The following SLCO2A1 variants were observed in gnomAD, a reference collection of about 807,000 sequenced individuals.
SLCO2A1 encodes matrin F/G 1.
SLCO2A1 carries 60 observed loss-of-function variants against 71.7 expected under a neutral mutation model. The ratio of observed to expected loss-of-function variants is 0.84; its 90% CI spans 0.68 to 1.04. The LOEUF (loss-of-function observed/expected upper bound fraction) is 1.04. Among genes scored for constraint, SLCO2A1 ranks in the 50% least tolerant of loss-of-function variants. The probability of loss-of-function intolerance (pLI) is 0.00; values close to 1 mark genes in which losing one functional copy is unlikely to be tolerated. For synonymous variants in SLCO2A1, 308 were observed against 326.7 expected (o/e 0.94, Z 0.62); for missense variants, 745 against 813.4 (o/e 0.92, Z 1.02).
At chr3:133,967,898 C>T in intron 3 of SLCO2A1, among the ~76,000 whole-genome samples, 1 of 97,680 alleles carries the variant, frequency 1.0e-5, no homozygotes, top group African/African-American at 3.8e-5. Context: ...CACACACTTC[C>T]CCCGACATGT....
intron 1 of SLCO2A1, among the ~76,000 whole-genome samples, chr3:133,987,766 T>G (rs1201158359): frequency 1.3e-5 from 2 of 152,216 alleles, no homozygotes; most frequent in Non-Finnish European, 1.5e-5. Context: ...GGTGATTCAA[T>G]GTACTGGAAG....
intron 1 of SLCO2A1, among the ~76,000 whole-genome samples, chr3:133,983,506 G>A (rs1934640989): frequency 6.6e-6 from 1 of 152,262 alleles, no homozygotes; most frequent in South Asian, 2.1e-4. Context: ...GTTCTGGTAT[G>A]CAGCATTAGA....
At chr3:134,006,627 A>C in intron 1 of SLCO2A1, among the ~76,000 whole-genome samples, 1 of 152,110 alleles carries the variant, frequency 6.6e-6, no homozygotes, top group Non-Finnish European at 1.5e-5. Context: ...ATCAAGTTTC[A>C]TCTGTATTGT....
intron 2 of SLCO2A1, among the ~76,000 whole-genome samples, chr3:133,977,060 T>A (rs1934476873): frequency 6.6e-6 from 1 of 152,150 alleles, no homozygotes; most frequent in African/African-American, 2.4e-5. Flanking sequence ...ACCTTCCCCT[T>A]GCACCAGGCC....
At chr3:134,011,437 G>A (rs1443639855) in intron 1 of SLCO2A1, among the ~76,000 whole-genome samples, 1 of 152,240 alleles carries the variant, frequency 6.6e-6, no homozygotes, top group Admixed American at 6.5e-5. Flanking sequence ...GGCTTGAGCT[G>A]CTGTGAGGAC....
At position 133,956,607 on chromosome 3, in the gene SLCO2A1, G is replaced by A. The variant is rs569069840; in HGVS notation, c.398-1414C>T. Among the ~76,000 whole-genome samples the A allele has an allele frequency of 6.6e-5, 10 of 152,340 alleles. No individual in the cohort carries two copies. The East Asian group carries it at 1.3e-3, about 21-fold the overall frequency. The stretch of plus-strand genomic sequence containing the variant: ...CAGGGACTGTAGTCAGGGTCCCTCT[G>A]TACCTCCCTCTTCCCACTCCATGTT... On this transcript the variant is annotated intron_variant, in intron 3 of 13. Coordinates refer to ENST00000310926, the MANE Select transcript of SLCO2A1 (RefSeq NM_005630.3).
chr3:133,993,330 T>C (rs1934895323), intron 1 of SLCO2A1, among the ~76,000 whole-genome samples: 1 of 152,244 alleles, frequency 6.6e-6, no homozygotes, highest in South Asian at 2.1e-4. Flanking sequence ...TCTTTTCTAA[T>C]GGTGCCCTGT....
chr3:133,983,942 T>C (rs1357809877), intron 1 of SLCO2A1, among the ~76,000 whole-genome samples: 2 of 152,154 alleles, frequency 1.3e-5, no homozygotes, highest in African/African-American at 4.8e-5. Context: ...ACGGGGCTGT[T>C]TCCAGCCTGA....
chr3:134,017,509 G>A (rs1935479444), intron 1 of SLCO2A1, among the ~76,000 whole-genome samples: 1 of 152,102 alleles, frequency 6.6e-6, no homozygotes, highest in Admixed American at 6.5e-5. Flanking sequence ...AAACAGAATG[G>A]GATGGCCAAG....
chr3:133,977,753 C>G (rs1189608730), intron 2 of SLCO2A1, among the ~76,000 whole-genome samples: 3 of 152,098 alleles, frequency 2.0e-5, no homozygotes, highest in African/African-American at 7.2e-5. Context: ...TGAGTGAGGA[C>G]AACATGTGCC....
intron 1 of SLCO2A1, among the ~76,000 whole-genome samples, chr3:134,007,041 C>A (rs1211451118): frequency 6.6e-6 from 1 of 152,162 alleles, no homozygotes; most frequent in Non-Finnish European, 1.5e-5. Flanking sequence ...TGTGATGTCA[C>A]ATTGTGGTTT....
intron 1 of SLCO2A1, among the ~76,000 whole-genome samples, chr3:134,008,100 C>T (rs938808201): frequency 2.0e-5 from 3 of 152,198 alleles, no homozygotes; most frequent in African/African-American, 7.2e-5. Context: ...GATTCACAGT[C>T]GTGCTCCCCA....
chr3:133,955,877 A>G (rs1209731333), intron 3 of SLCO2A1, among the ~76,000 whole-genome samples: 1 of 152,116 alleles, frequency 6.6e-6, no homozygotes, highest in Non-Finnish European at 1.5e-5. Flanking sequence ...TCAGCCTCTC[A>G]TATTACAGAT....
chr3:133,985,364 C>T (rs530888772), intron 1 of SLCO2A1, among the ~76,000 whole-genome samples: 1 of 152,244 alleles, frequency 6.6e-6, no homozygotes, highest in Non-Finnish European at 1.5e-5. Context: ...TCCACACACA[C>T]ATCACCACTA....
At chr3:133,936,561 CGGATGCCACACTACCTGT>C (rs1559926889) in intron 12 of SLCO2A1, among the ~76,000 whole-genome samples, 1 of 152,126 alleles carries the variant, frequency 6.6e-6, no homozygotes, top group East Asian at 1.9e-4. Flanking sequence ...TCTAATATTC[CGGATGCCACACTACCTGT>C]GGGTAGCGTA....
At chr3:133,968,760 C>T (rs1165372886) in intron 3 of SLCO2A1, among the ~76,000 whole-genome samples, 1 of 152,200 alleles carries the variant, frequency 6.6e-6, no homozygotes, top group African/African-American at 2.4e-5. Context: ...ACTGGTCTCA[C>T]GTTGGCCAGT....
intron 1 of SLCO2A1, among the ~76,000 whole-genome samples, chr3:134,023,501 T>C (rs1935638132): frequency 6.6e-6 from 1 of 152,094 alleles, no homozygotes; most frequent in African/African-American, 2.4e-5. Flanking sequence ...CTGGGGAGAT[T>C]TCAATAAAGA....
intron 1 of SLCO2A1, among the ~76,000 whole-genome samples, chr3:134,020,892 C>T (rs1398682184): frequency 1.3e-5 from 2 of 151,910 alleles, no homozygotes; most frequent in Non-Finnish European, 2.9e-5. Context: ...GGCCTGATCA[C>T]CCATGGTGTG....
chr3:133,973,432 ATTCC>A (rs1934375199), intron 3 of SLCO2A1, among the ~76,000 whole-genome samples: 2 of 152,216 alleles, frequency 1.3e-5, no homozygotes, highest in South Asian at 4.2e-4. Context: ...AGCTTGGGTC[ATTCC>A]TGGCATGAAG....
Sources: allele counts gnomAD v4.1 joint callset (sites outside exome capture counted in the v4.1 genomes callset), GRCh38; gene constraint gnomAD v4.1.1; transcripts MANE v1.5; gene names NCBI Gene and HGNC (gene_info 2026-07-23, HGNC 2026-07-21).